HIBADH: variants seen among roughly 807,000 people sequenced by gnomAD.
HIBADH encodes 3-hydroxyisobutyrate dehydrogenase, mitochondrial.
Under a neutral mutation model 36.1 loss-of-function variants are expected in HIBADH, and 25 were observed. The observed-to-expected ratio is 0.69, with a 90% CI of 0.50 to 0.97. HIBADH has a LOEUF of 0.97. HIBADH is among the 50% of genes least tolerant of loss of function. The pLI, the probability that HIBADH is intolerant of heterozygous loss-of-function variation, is 0.00. For missense variants in HIBADH, 421 were observed against 418.0 expected, an observed-to-expected ratio of 1.01 and a Z score of -0.06; for synonymous variants, 160 against 149.5, an observed-to-expected ratio of 1.07 and a Z score of -0.51.
At chr7:27,598,857 A>G (rs1032568916) in intron 4 of HIBADH, among the ~76,000 whole-genome samples, 1 of 152,090 alleles carries the variant, frequency 6.6e-6, no homozygotes. Flanking sequence ...ACAGATCTAC[A>G]TCCCAAGACT....
chr7:27,615,830 T>C (rs1206466228), intron 4 of HIBADH, among the ~76,000 whole-genome samples: 2 of 152,164 alleles, frequency 1.3e-5, no homozygotes, highest in Non-Finnish European at 2.9e-5. Context: ...GGCAGGTCCT[T>C]CAGGAGGTAT....
intron 1 of HIBADH, among the ~76,000 whole-genome samples, chr7:27,650,068 T>C (rs1786152624): frequency 6.6e-6 from 1 of 152,172 alleles, no homozygotes; most frequent in Non-Finnish European, 1.5e-5. Context: ...TTTTACCATT[T>C]TTAACAATAA....
intron 4 of HIBADH, among the ~76,000 whole-genome samples, chr7:27,573,212 T>C (rs937131360): frequency 1.3e-5 from 2 of 152,208 alleles, no homozygotes; most frequent in African/African-American, 4.8e-5. Flanking sequence ...CATGCCCTTT[T>C]CTAATTCTCA....
chr7:27,528,593 C>T (rs933459870), intron 7 of HIBADH, among the ~76,000 whole-genome samples: 2 of 152,182 alleles, frequency 1.3e-5, no homozygotes, highest in Non-Finnish European at 2.9e-5. Flanking sequence ...TTCTTCAATT[C>T]TGTGAAGGCT....
chr7:27,588,670 A>C (rs941826778), intron 4 of HIBADH, among the ~76,000 whole-genome samples: 15 of 152,210 alleles, frequency 9.9e-5, no homozygotes, highest in African/African-American at 3.6e-4. Flanking sequence ...AAACCATCTT[A>C]TTCTCTGCTA....
At chr7:27,563,358 C>T (rs1784495381) in intron 4 of HIBADH, among the ~76,000 whole-genome samples, 1 of 152,126 alleles carries the variant, frequency 6.6e-6, no homozygotes, top group African/African-American at 2.4e-5. Flanking sequence ...AATTCAGGTA[C>T]AGGTTTTTGT....
chr7:27,592,653 A>G (rs866711057), intron 4 of HIBADH, among the ~76,000 whole-genome samples: 2 of 151,768 alleles, frequency 1.3e-5, no homozygotes, highest in African/African-American at 2.4e-5. Flanking sequence ...CTCTATATCT[A>G]TATCTCTAGC....
chr7:27,633,159 A>G (rs1364374442), intron 2 of HIBADH, among the ~76,000 whole-genome samples: 1 of 152,148 alleles, frequency 6.6e-6, no homozygotes, highest in Non-Finnish European at 1.5e-5. Flanking sequence ...AATAATGACC[A>G]CGAACATACT....
At chr7:27,598,837 G>T (rs2128289938) in intron 4 of HIBADH, among the ~76,000 whole-genome samples, 1 of 151,332 alleles carries the variant, frequency 6.6e-6, no homozygotes, top group Non-Finnish European at 1.5e-5. Flanking sequence ...CCCAACCCTA[G>T]TCATGAGGTA....
chr7:27,561,972 GATACTT>G (rs1245010613), intron 4 of HIBADH, among the ~76,000 whole-genome samples: 1 of 152,064 alleles, frequency 6.6e-6, no homozygotes, highest in African/African-American at 2.4e-5. Context: ...GTAAGAAAAA[GATACTT>G]ATATTTTCTG....
chr7:27,598,006 C>A (rs996651423), intron 4 of HIBADH, among the ~76,000 whole-genome samples: 4 of 152,134 alleles, frequency 2.6e-5, no homozygotes, highest in Admixed American at 2.6e-4. Context: ...TCTCTAAATG[C>A]CAAGCAATGT....
intron 2 of HIBADH, among the ~76,000 whole-genome samples, chr7:27,641,575 C>T (rs186509182): frequency 2.0e-5 from 3 of 152,080 alleles, no homozygotes; most frequent in Non-Finnish European, 2.9e-5. Context: ...GAATGAAATT[C>T]ATTTTTTCTT....
At chr7:27,605,456 C>A (rs1317974822) in intron 4 of HIBADH, among the ~76,000 whole-genome samples, 1 of 89,880 alleles carries the variant, frequency 1.1e-5, no homozygotes, top group Non-Finnish European at 2.1e-5. Context: ...CCTGCTGACA[C>A]TTTTTTTTTT....
chr7:27,573,400 C>T (rs1019290587), intron 4 of HIBADH, among the ~76,000 whole-genome samples: 3 of 152,020 alleles, frequency 2.0e-5, no homozygotes, highest in East Asian at 1.9e-4. Flanking sequence ...TGGCAATTAC[C>T]GATCCATACT....
intron 4 of HIBADH, among the ~76,000 whole-genome samples, chr7:27,546,371 G>C (rs149413823): frequency 6.6e-6 from 1 of 151,934 alleles, no homozygotes; most frequent in South Asian, 2.1e-4. Flanking sequence ...CTCCTGCCTT[G>C]GTCTCCCAAA....
chr7:27,555,404 C>T (rs928880292), intron 4 of HIBADH, among the ~76,000 whole-genome samples: 1 of 150,932 alleles, frequency 6.6e-6, no homozygotes, highest in African/African-American at 2.4e-5. Flanking sequence ...AACCCACCTC[C>T]TGACTACATA....
chr7:27,556,639 C>A (rs900315711), intron 4 of HIBADH, among the ~76,000 whole-genome samples: 2 of 152,124 alleles, frequency 1.3e-5, no homozygotes, highest in Non-Finnish European at 2.9e-5. Context: ...AATGAATTGT[C>A]CTAACACAAT....
Position 27,558,286 on chromosome 7 carries a change from T to C in HIBADH, c.485-15186A>G, listed in dbSNP as rs540429418. On this transcript the variant is annotated intron_variant, in intron 4 of 7. Coordinates refer to ENST00000265395, the MANE Select transcript of HIBADH (RefSeq NM_152740.4). Reference sequence around the variant, plus strand: ...TTCTCTTCTTATTTAAATAGATTTATATTTGTTTTATTCTAGTTTATTGAG... The same window carrying C: ...TTCTCTTCTTATTTAAATAGATTTACATTTGTTTTATTCTAGTTTATTGAG... Among the ~76,000 whole-genome samples the C allele has an allele frequency of 2.0e-4, 30 of 152,304 alleles. No individual in the cohort carries two copies. The South Asian group carries it at 5.8e-3, about 29-fold the overall frequency.
At chr7:27,651,867 T>G (rs1480067800) in intron 1 of HIBADH, among the ~76,000 whole-genome samples, 1 of 151,610 alleles carries the variant, frequency 6.6e-6, no homozygotes, top group Non-Finnish European at 1.5e-5. Context: ...TGATGAAAAA[T>G]GAGAATTCAT....
Sources: gnomAD v4.1 joint callset for allele counts (sites outside exome capture counted in the v4.1 genomes callset) on GRCh38, gnomAD v4.1.1 for gene constraint, MANE v1.5 for transcripts, NCBI Gene and HGNC (gene_info 2026-07-23, HGNC 2026-07-21) for gene names.